The following ARL15 variants were observed in gnomAD, a reference collection of about 807,000 sequenced individuals.
The protein encoded by ARL15 is ADP-ribosylation factor-like protein 15.
In ARL15, 19 loss-of-function variants were observed where a neutral mutation model predicts 25.2. The observed-to-expected ratio is 0.75, with a 90% confidence interval of 0.53 to 1.10. The LOEUF is 1.10. ARL15 is among the 50% of genes least tolerant of loss of function. The probability of loss-of-function intolerance (pLI) is 0.00; values close to 1 mark genes in which losing one functional copy is unlikely to be tolerated. For missense variants in ARL15, 220 were observed against 246.0 expected, an observed-to-expected ratio of 0.89 and a Z score of 0.71; for synonymous variants, 94 against 86.8, an observed-to-expected ratio of 1.08 and a Z score of -0.46.
intron 4 of ARL15, among the ~76,000 whole-genome samples, chr5:53,991,473 C>T (rs201582915): frequency 1.1e-4 from 14 of 132,644 alleles, no homozygotes; most frequent in East Asian, 7.1e-4. Flanking sequence ...ACCTGGGAGG[C>T]GGAGGTTGCA....
chr5:54,200,260 G>T (rs1157759973), intron 1 of ARL15, among the ~76,000 whole-genome samples: 2 of 149,536 alleles, frequency 1.3e-5, no homozygotes, highest in African/African-American at 4.9e-5. Context: ...TAACCTGCAC[G>T]TTGTGCACAT....
intron 4 of ARL15, among the ~76,000 whole-genome samples, chr5:54,080,221 A>G (rs533235079): frequency 8.8e-4 from 134 of 152,312 alleles, no homozygotes; most frequent in Middle Eastern, 3.4e-3. Context: ...GTTAGATAGG[A>G]ATACTTTTGA....
intron 4 of ARL15, among the ~76,000 whole-genome samples, chr5:54,017,068 C>T (rs1430270726): frequency 1.3e-5 from 2 of 152,200 alleles, no homozygotes; most frequent in South Asian, 2.1e-4. Flanking sequence ...GGATTTGCTC[C>T]GCCTTTGTCG....
chr5:53,951,450 T>G (rs1746952805), intron 4 of ARL15: 1 of 466,986 alleles, frequency 2.1e-6, no homozygotes, highest in East Asian at 7.1e-5. Context: ...TCTCAATTTC[T>G]GTATTTATCT....
chr5:54,070,094 AT>A (rs1751372742), intron 4 of ARL15, among the ~76,000 whole-genome samples: 2 of 151,166 alleles, frequency 1.3e-5, no homozygotes, highest in Admixed American at 1.3e-4. Context: ...GGGGTCTGTT[AT>A]AAAAGTTGGT....
intron 4 of ARL15, among the ~76,000 whole-genome samples, chr5:53,893,677 T>C (rs1461466446): frequency 6.6e-6 from 1 of 152,176 alleles, no homozygotes; most frequent in East Asian, 1.9e-4. Context: ...ACATCTTGTA[T>C]ATGTATTTGC....
intron 4 of ARL15, among the ~76,000 whole-genome samples, chr5:53,919,093 A>G (rs1745759610): frequency 6.6e-6 from 1 of 152,138 alleles, no homozygotes; most frequent in Non-Finnish European, 1.5e-5. Flanking sequence ...ACCCCTCATA[A>G]CACCTCCCTA....
At chr5:53,901,138 A>G (rs1047597753) in intron 4 of ARL15, among the ~76,000 whole-genome samples, 16 of 152,156 alleles carry the variant, frequency 1.1e-4, no homozygotes, top group African/African-American at 3.9e-4. Flanking sequence ...AGAGCACATC[A>G]TGTTCTCTTC....
At chr5:54,189,285 T>C (rs1243022288) in intron 1 of ARL15, among the ~76,000 whole-genome samples, 2 of 152,166 alleles carry the variant, frequency 1.3e-5, no homozygotes, top group African/African-American at 4.8e-5. Context: ...AAATAATTTT[T>C]TTATGGAAAT....
chr5:54,240,385 A>G (rs988488054), intron 1 of ARL15, among the ~76,000 whole-genome samples: 1 of 152,088 alleles, frequency 6.6e-6, no homozygotes, highest in Non-Finnish European at 1.5e-5. Context: ...CTGAGTATAC[A>G]TGCAGGTAGA....
intron 3 of ARL15, among the ~76,000 whole-genome samples, chr5:54,124,858 T>A (rs1292039255): frequency 1.3e-5 from 2 of 152,060 alleles, no homozygotes; most frequent in African/African-American, 4.8e-5. Flanking sequence ...CCCCTTCATG[T>A]TTGTGGTAGG....
intron 4 of ARL15, among the ~76,000 whole-genome samples, chr5:53,939,323 A>G (rs1299198336): frequency 6.6e-6 from 1 of 152,192 alleles, no homozygotes; most frequent in East Asian, 1.9e-4. Context: ...TAATGCATGC[A>G]TTTCAGTTTC....
At chr5:53,887,731 G>C (rs1266711754) in intron 4 of ARL15, among the ~76,000 whole-genome samples, 3 of 152,094 alleles carry the variant, frequency 2.0e-5, no homozygotes, top group African/African-American at 7.2e-5. Flanking sequence ...GATGTTCTTG[G>C]TTAACAAATT....
chr5:53,913,069 G>A (rs1745517978), intron 4 of ARL15, among the ~76,000 whole-genome samples: 1 of 152,164 alleles, frequency 6.6e-6, no homozygotes, highest in South Asian at 2.1e-4. Flanking sequence ...GGAGGCTGAC[G>A]CAGGAAGGTC....
intron 4 of ARL15, among the ~76,000 whole-genome samples, chr5:53,899,915 T>C (rs1017058193): frequency 6.6e-6 from 1 of 152,210 alleles, no homozygotes; most frequent in Non-Finnish European, 1.5e-5. Context: ...TCCCTACATC[T>C]ATTTATCCAA....
chr5:53,951,721 A>C (rs889999467), intron 4 of ARL15: 1 of 317,492 alleles, frequency 3.1e-6, no homozygotes, highest in African/African-American at 2.3e-5. Context: ...AACTAGATAA[A>C]ATTATAGTTT....
intron 4 of ARL15, among the ~76,000 whole-genome samples, chr5:53,961,428 G>A (rs1747366542): frequency 6.7e-6 from 1 of 150,002 alleles, no homozygotes; most frequent in Admixed American, 6.7e-5. Context: ...AGCCTGGGAG[G>A]TGGAGGTTGC....
At chr5:54,056,458 T>C (rs1750873192) in intron 4 of ARL15, among the ~76,000 whole-genome samples, 1 of 151,588 alleles carries the variant, frequency 6.6e-6, no homozygotes, top group Non-Finnish European at 1.5e-5. Context: ...CGGTGAAACC[T>C]TGTCTTTACT....
intron 4 of ARL15, among the ~76,000 whole-genome samples, chr5:53,972,677 CTG>C (rs1389186189): frequency 6.6e-6 from 1 of 151,978 alleles, no homozygotes; most frequent in East Asian, 1.9e-4. Context: ...CCAGAAATCA[CTG>C]TCTTATTATT....
Sources: gnomAD v4.1 joint callset for allele counts (sites outside exome capture counted in the v4.1 genomes callset) on GRCh38, gnomAD v4.1.1 for gene constraint, MANE v1.5 for transcripts, NCBI Gene and HGNC (gene_info 2026-07-23, HGNC 2026-07-21) for gene names.